ERBB4: variants seen among roughly 807,000 people sequenced by gnomAD.
ERBB4 encodes erb-b2 receptor tyrosine kinase 4.
A neutral mutation model predicts 158.0 loss-of-function variants in ERBB4; 42 were observed. The ratio of observed to expected loss-of-function variants is 0.27; its 90% CI spans 0.21 to 0.34. The LOEUF (loss-of-function observed/expected upper bound fraction) is 0.34, where lower values mean the gene tolerates loss of function less well. Among genes scored for constraint, ERBB4 ranks in the 10% least tolerant of loss-of-function variants. The probability of loss-of-function intolerance (pLI) is 1.00; values close to 1 mark genes in which losing one functional copy is unlikely to be tolerated. For missense variants in ERBB4, 1,333 were observed against 1,624.1 expected (o/e 0.82, Z 3.08); for synonymous variants, 583 against 558.7 (o/e 1.04, Z -0.61).
chr2:212,158,580 T>C (rs1004192780), intron 1 of ERBB4, among the ~76,000 whole-genome samples: 1 of 152,040 alleles, frequency 6.6e-6, no homozygotes, highest in Non-Finnish European at 1.5e-5. Flanking sequence ...TTGGACCTCA[T>C]TATATTTTGT....
At chr2:211,480,858 C>T (rs966738959) in intron 20 of ERBB4, among the ~76,000 whole-genome samples, 44 of 152,122 alleles carry the variant, frequency 2.9e-4, no homozygotes, top group Admixed American at 2.4e-3. Flanking sequence ...TATCATTCTC[C>T]TGAAAAGATT....
chr2:212,271,240 T>C (rs2106118766), intron 1 of ERBB4, among the ~76,000 whole-genome samples: 1 of 151,878 alleles, frequency 6.6e-6, no homozygotes, highest in Middle Eastern at 3.4e-3. Flanking sequence ...AGTAAATATT[T>C]GTTAAAGAAA....
In ERBB4 at chr2:212,505,633, G is replaced by A. The variant is rs528584310; in HGVS notation, c.82+32816C>T. On this transcript the variant is annotated intron_variant, in intron 1 of 27. Transcript: ENST00000342788. The stretch of plus-strand genomic sequence containing the variant: ...TGTGTTTGCAGTGAGAAACCTTGAC[G>A]GATGATATAATGTCTCCTACAGGGA... Among the ~76,000 whole-genome samples, 6 of 148,976 alleles carry A rather than the reference G, an allele frequency of 4.0e-5. 2 individuals carry two copies. Among genetic ancestry groups the A allele is most frequent in the South Asian group, 4.3e-4 (2 of 4,664 alleles).
At chr2:211,754,503 G>A (rs2075240389) in intron 4 of ERBB4, among the ~76,000 whole-genome samples, 1 of 150,930 alleles carries the variant, frequency 6.6e-6, no homozygotes, top group African/African-American at 2.4e-5. Context: ...CCAGGTTCAA[G>A]CAATTCTCTG....
In ERBB4 at chr2:211,750,992, T is replaced by C. The variant is rs10187763; in HGVS notation, c.557-288A>G. Among the ~76,000 whole-genome samples, 489 of 152,360 alleles carry C rather than the reference T, an allele frequency of 3.2e-3. 3 individuals carry two copies. The highest frequency in any genetic ancestry group is 0.012 in the African/African-American group (480 of 41,590). On this transcript the variant is annotated intron_variant, in intron 4 of 27. Coordinates refer to ENST00000342788, the MANE Select transcript of ERBB4 (RefSeq NM_005235.3). ...TCAGGAAATCAAAAGCAAATGATTA[T>C]AGTTAATAAGTTTCACTTTCACTGT...
intron 3 of ERBB4, among the ~76,000 whole-genome samples, chr2:211,872,363 T>C: frequency 6.6e-6 from 1 of 152,162 alleles, no homozygotes; most frequent in East Asian, 1.9e-4. Flanking sequence ...GAATTATGTG[T>C]GTACCTATGT....
At chr2:211,657,546 G>C (rs2071264432) in intron 16 of ERBB4, 2 of 577,550 alleles carry the variant, frequency 3.5e-6, no homozygotes, top group Admixed American at 5.7e-5. Flanking sequence ...GTTACTAACT[G>C]GGACTCTTGT....
chr2:212,417,851 C>A (rs1029354527), intron 1 of ERBB4, among the ~76,000 whole-genome samples: 3 of 151,830 alleles, frequency 2.0e-5, no homozygotes, highest in Admixed American at 1.3e-4. Flanking sequence ...TATTTGTATT[C>A]TCTCAATATT....
At chr2:211,939,984 T>C (rs1030559003) in intron 3 of ERBB4, among the ~76,000 whole-genome samples, 1 of 141,474 alleles carries the variant, frequency 7.1e-6, no homozygotes, top group South Asian at 2.3e-4. Flanking sequence ...TATATATGTA[T>C]ATAGATAGAT....
At chr2:212,520,934 T>C (rs1692126344) in intron 1 of ERBB4, among the ~76,000 whole-genome samples, 1 of 151,960 alleles carries the variant, frequency 6.6e-6, no homozygotes, top group Non-Finnish European at 1.5e-5. Flanking sequence ...GATTCCTTAA[T>C]AAATGTGAAA....
intron 3 of ERBB4, among the ~76,000 whole-genome samples, chr2:211,938,910 A>G (rs2080404895): frequency 6.6e-6 from 1 of 152,172 alleles, no homozygotes; most frequent in Non-Finnish European, 1.5e-5. Flanking sequence ...CTATTAATAA[A>G]TGTTTGTGCA....
chr2:211,442,835 T>C (rs1048444218), intron 20 of ERBB4, among the ~76,000 whole-genome samples: 1 of 152,020 alleles, frequency 6.6e-6, no homozygotes, highest in Non-Finnish European at 1.5e-5. Context: ...ATGGAAGAAG[T>C]AGAAAGCTAT....
chr2:212,401,842 T>C (rs1035376373), intron 1 of ERBB4, among the ~76,000 whole-genome samples: 1 of 152,112 alleles, frequency 6.6e-6, no homozygotes, highest in Non-Finnish European at 1.5e-5. Flanking sequence ...ATTACATACC[T>C]ATCAGAATGG....
At chr2:211,946,576 CTTTTTTTTTT>C (rs56007115) in intron 3 of ERBB4, among the ~76,000 whole-genome samples, 26 of 49,588 alleles carry the variant, frequency 5.2e-4, no homozygotes, top group African/African-American at 1.6e-3. Flanking sequence ...AATTAGCTCT[CTTTTTTTTTT>C]TTTTTTTTTT....
At chr2:212,524,788 G>T (rs1315188261) in intron 1 of ERBB4, among the ~76,000 whole-genome samples, 3 of 151,908 alleles carry the variant, frequency 2.0e-5, no homozygotes, top group African/African-American at 7.3e-5. Flanking sequence ...TTGTGGCAAA[G>T]TTACTGTGAC....
At chr2:211,546,694 C>T (rs917418760) in intron 20 of ERBB4, among the ~76,000 whole-genome samples, 1 of 152,096 alleles carries the variant, frequency 6.6e-6, no homozygotes, top group African/African-American at 2.4e-5. Context: ...GGCTACATAA[C>T]TACACAGACC....
At chr2:212,137,359 A>G in intron 1 of ERBB4, among the ~76,000 whole-genome samples, 1 of 151,988 alleles carries the variant, frequency 6.6e-6, no homozygotes, top group East Asian at 1.9e-4. Context: ...CCCAGTGTGT[A>G]CTGTTCCCCT....
intron 9 of ERBB4, among the ~76,000 whole-genome samples, 180 bp from the exon 10 acceptor site, chr2:211,705,571 T>A (rs535030915): frequency 3.3e-4 from 50 of 152,314 alleles, no homozygotes; most frequent in Non-Finnish European, 6.6e-4. Flanking sequence ...TTGTGGAAAT[T>A]TTTGATGTCA....
intron 3 of ERBB4, among the ~76,000 whole-genome samples, chr2:211,833,000 T>A (rs560502631): frequency 6.6e-6 from 1 of 152,100 alleles, no homozygotes; most frequent in South Asian, 2.1e-4. Context: ...TTTTCTAGGT[T>A]CAGATATTCT....
Sources: gnomAD v4.1 joint callset for allele counts (sites outside exome capture counted in the v4.1 genomes callset) on GRCh38, gnomAD v4.1.1 for gene constraint, MANE v1.5 for transcripts, NCBI Gene and HGNC (gene_info 2026-07-23, HGNC 2026-07-21) for gene names.